The following IGLON5 variants were observed in gnomAD, a reference collection of about 807,000 sequenced individuals.
IGLON5 encodes Ig-like domain-containing protein ENSP00000270642.
In IGLON5, 16 loss-of-function variants were observed where a neutral mutation model predicts 38.2. The ratio of observed to expected loss-of-function variants is 0.42; its 90% CI spans 0.28 to 0.64. The LOEUF is 0.64. IGLON5 is among the 30% of genes least tolerant of loss of function. The pLI, the probability that IGLON5 is intolerant of heterozygous loss-of-function variation, is 0.23. For synonymous variants in IGLON5, 207 were observed against 216.4 expected (o/e 0.96, Z 0.38); for missense variants, 366 against 483.4 (o/e 0.76, Z 2.28).
chr19:51,321,981 G>T, intron 1 of IGLON5, 83 bp from the exon 2 acceptor site: 2 of 1,106,336 alleles, frequency 1.8e-6, no homozygotes, highest in Non-Finnish European at 1.4e-6. Flanking sequence ...CCACAAGGAC[G>T]TGCGTGTGCA....
intron 1 of IGLON5, 98 bp downstream of exon 1, chr19:51,312,024 G>T (rs1439813120): frequency 1.6e-6 from 1 of 614,404 alleles, no homozygotes; most frequent in Admixed American, 4.8e-5. Context: ...TGCATCCCTG[G>T]GCCGGCGCGG....
At chr19:51,322,658 TC>T in intron 2 of IGLON5, among the ~76,000 whole-genome samples, 1 of 141,284 alleles carries the variant, frequency 7.1e-6, no homozygotes, top group South Asian at 2.7e-4. Context: ...TGGGTCTCTG[TC>T]CCCCTCTCTC....
rs764285496 is a variant in IGLON5 at position 51,328,807 on chromosome 19, AGAGT to A, written c.*52_*55del. 2.2e-6 allele frequency: 3 copies of A among 1,380,654 alleles called. No individual in the cohort carries two copies. The highest frequency in any genetic ancestry group is 3.0e-6 in the Non-Finnish European group (3 of 1,014,496). The allele number at this position is 1,380,654 out of a possible 1,614,324, so 85.5% of individuals were successfully genotyped here. On this transcript the variant is annotated 3_prime_UTR_variant, in exon 8 of 8. Coordinates refer to ENST00000270642, the MANE Select transcript of IGLON5 (RefSeq NM_001101372.3). ...TCCCCCTGCAGGGGGCCTCAGGCCA[AGAGT>A]GAGAGAAACGGGGGAGCAAGAGCCG... is the stretch of plus-strand genomic sequence containing the variant.
rs1162919094 is a variant in IGLON5, at chr19:51,324,914, T to C, written c.392-432T>C. ...GGTAAAGCACTTAGAATAGCATCTGTTACACAGAAAGTCCCATGTGGGTAT... is the reference window on the plus strand; with the variant it reads ...GGTAAAGCACTTAGAATAGCATCTGCTACACAGAAAGTCCCATGTGGGTAT... On this transcript the variant is annotated intron_variant, in intron 3 of 7. Transcript: ENST00000270642. This position sits in a 1 kb window ranked among gnomAD's most constrained non-coding sequence, Gnocchi z 4.2. Among the ~76,000 whole-genome samples the C allele has an allele frequency of 6.6e-6, 1 of 151,800 alleles. No homozygotes were observed. Among genetic ancestry groups the C allele is most frequent in the African/African-American group, 2.4e-5 (1 of 41,316 alleles).
rs1291600705 is a variant in IGLON5 at position 51,330,692 on chromosome 19, T to G, written c.*1933T>G. ...TGCTTTTCTCCATCACATGGAGAGA[T>G]CTTGGCTCTGTGGGGATAGCAATGG... On this transcript the variant is annotated 3_prime_UTR_variant, in exon 8 of 8. Coordinates refer to ENST00000270642, the MANE Select transcript of IGLON5 (RefSeq NM_001101372.3). Among the ~76,000 whole-genome samples, 1 of 152,192 alleles carries G rather than the reference T, an allele frequency of 6.6e-6. No homozygotes were observed. Among genetic ancestry groups the G allele is most frequent in the Non-Finnish European group, 1.5e-5 (1 of 68,038 alleles).
intron 1 of IGLON5, among the ~76,000 whole-genome samples, chr19:51,319,928 G>A (rs1985012191): frequency 6.6e-6 from 1 of 152,084 alleles, no homozygotes; most frequent in Non-Finnish European, 1.5e-5. Context: ...GTTTGTGTCT[G>A]TATGACTGTG....
chr19:51,330,649 A>G lies in IGLON5; in HGVS notation c.*1890A>G, dbSNP rs986468153. On this transcript the variant is annotated 3_prime_UTR_variant, in exon 8 of 8. Coordinates refer to ENST00000270642, the MANE Select transcript of IGLON5 (RefSeq NM_001101372.3). The stretch of plus-strand genomic sequence containing the variant: ...TGGATATTGTGGCTCCGTGATGTGA[A>G]GTCAACATCTGTAGGGTTGCTTTTC... 1.3e-5 allele frequency among the ~76,000 whole-genome samples: 2 copies of G among 152,198 alleles called. No individual in the cohort carries two copies. Among genetic ancestry groups the G allele is most frequent in the Admixed American group, 1.3e-4 (2 of 15,280 alleles).
At position 51,327,392 on chromosome 19, in the gene IGLON5, G is replaced by A. The variant is rs1236246217; in HGVS notation, c.767+192G>A. Among the ~76,000 whole-genome samples, 1 of 152,176 alleles carries A rather than the reference G, an allele frequency of 6.6e-6. No individual in the cohort carries two copies. Among genetic ancestry groups the A allele is most frequent in the Non-Finnish European group, 1.5e-5 (1 of 68,034 alleles). ...AAGCTTGGGTCCCCGCTTGATGAAT[G>A]CTGGAACCCCGTCTCCCCGGACTTT... On this transcript the variant is annotated intron_variant, in intron 6 of 7. Transcript: ENST00000270642. The surrounding 1 kb of genome is among the most constrained non-coding windows in gnomAD (Gnocchi z 7.1).
Position 51,323,602 on chromosome 19 carries a change from G to A in IGLON5, c.159-60G>A, listed in dbSNP as rs540363416. The A allele has an allele frequency of 2.5e-5, 37 of 1,460,384 alleles. No individual in the cohort carries two copies. The African/African-American group carries it at 2.8e-4, about 11-fold the overall frequency. The allele number at this position is 1,460,384 out of a possible 1,614,324, so 90.5% of individuals were successfully genotyped here. ...CCTCCTTCTCCCACCCACCCCCTCG[G>A]TGGGGGAAGCCTCAGGCTGGGTGGG... On this transcript the variant is annotated intron_variant, in intron 2 of 7. Transcript: ENST00000270642.
At position 51,316,359 on chromosome 19, in the gene IGLON5, AG is replaced by A. The variant is rs1222349906; in HGVS notation, c.79+4434del. Among the ~76,000 whole-genome samples, 710 of 150,148 alleles carry A rather than the reference AG, an allele frequency of 4.7e-3. 17 individuals carry two copies. Among genetic ancestry groups the A allele is most frequent in the African/African-American group, 0.017 (682 of 40,626 alleles). On this transcript the variant is annotated intron_variant, in intron 1 of 7. Coordinates refer to ENST00000270642, the MANE Select transcript of IGLON5 (RefSeq NM_001101372.3). ...TACCCTGTCTCAAAAAAAAAAAAAA[AG>A]AAAAGAAACAAAGGGAAAGAAAAGG...
Position 51,323,770 on chromosome 19 carries a change from C to T in IGLON5, c.267C>T (p.Ile89=). Residue 89 remains isoleucine (I), a synonymous_variant, in exon 3 of 8, where the codon ATC becomes ATT. Transcript: ENST00000270642. Reference sequence around the variant, plus strand: ...GCGACCCGCGGGTGCGGCTGCTCATCAACACCCCCGAGGAGTTCTCCATCC... The same window carrying T: ...GCGACCCGCGGGTGCGGCTGCTCATTAACACCCCCGAGGAGTTCTCCATCC... The part of the protein sequence containing the change: ...WTSDPRVRLL[I]NTPEEFSILI... The T allele has an allele frequency of 1.2e-6, 2 of 1,613,932 alleles. No individual in the cohort carries two copies. Among genetic ancestry groups the T allele is most frequent in the Non-Finnish European group, 1.7e-6 (2 of 1,179,866 alleles).
At chr19:51,312,944 G>A (rs2123507650) in intron 1 of IGLON5, among the ~76,000 whole-genome samples, 1 of 152,178 alleles carries the variant, frequency 6.6e-6, no homozygotes, top group South Asian at 2.1e-4. Flanking sequence ...CGCTCAGGAG[G>A]GCAGGGAGCT....
chr19:51,327,274 G>T lies in IGLON5; in HGVS notation c.767+74G>T. ...AGTCCCTTCGATTGTGAGGCAGGGG[G>T]ACGGAGCGGGGCGGGGGAAGGCAGC... On this transcript the variant is annotated intron_variant, in intron 6 of 7. Coordinates refer to ENST00000270642, the MANE Select transcript of IGLON5 (RefSeq NM_001101372.3). The surrounding 1 kb of genome is among the most constrained non-coding windows in gnomAD (Gnocchi z 7.1). 6.5e-7 allele frequency: 1 copy of T among 1,547,380 alleles called. No individual in the cohort carries two copies. The highest frequency in any genetic ancestry group is 8.7e-7 in the Non-Finnish European group (1 of 1,145,302).
At chr19:51,319,806 T>C (rs1015933477) in intron 1 of IGLON5, among the ~76,000 whole-genome samples, 6 of 152,124 alleles carry the variant, frequency 3.9e-5, no homozygotes, top group Non-Finnish European at 1.5e-5. Flanking sequence ...CCTGTCCCTC[T>C]GAGCGGGTCC....
intron 1 of IGLON5, among the ~76,000 whole-genome samples, chr19:51,315,869 G>A (rs1219884050): frequency 6.6e-6 from 1 of 151,606 alleles, no homozygotes; most frequent in African/African-American, 2.4e-5. Context: ...CTAATTTTTT[G>A]TATTTTTAGT....
chr19:51,323,460 C>T (rs570555260), intron 2 of IGLON5, among the ~76,000 whole-genome samples: 5 of 152,298 alleles, frequency 3.3e-5, no homozygotes, highest in South Asian at 4.1e-4. Flanking sequence ...GCTATTGTTC[C>T]GTTCTGCAGT....
chr19:51,325,382 C>T lies in IGLON5; in HGVS notation c.428C>T (p.Thr143Met), dbSNP rs766874103. Residue 143 changes from threonine to methionine, a missense_variant, in exon 4 of 8, where the codon ACG becomes ATG. Physicochemically the swap from Thr to Met is moderately conservative, Grantham distance 81 (BLOSUM62 -1). Transcript: ENST00000270642. This position sits in a 1 kb window ranked among gnomAD's most constrained non-coding sequence, Gnocchi z 5.5. ...ARIVNISSPV[T>M]VNEGGNVNLL... ...ATTGTGAACATCTCGTCGCCTGTGA[C>T]GGTGAATGAGGGGGGCAATGTGAAC... The T allele has an allele frequency of 3.0e-5, 48 of 1,613,724 alleles. No individual in the cohort carries two copies. The highest frequency in any genetic ancestry group is 6.7e-5 in the African/African-American group (5 of 74,894).
intron 2 of IGLON5, among the ~76,000 whole-genome samples, chr19:51,322,592 C>G (rs963660825): frequency 8.9e-5 from 5 of 55,918 alleles, no homozygotes; most frequent in Non-Finnish European, 1.3e-4. Context: ...CTCTCTCTCT[C>G]TCGCTTGCTC....
chr19:51,320,534 G>C (rs920118132), intron 1 of IGLON5, among the ~76,000 whole-genome samples: 10 of 152,218 alleles, frequency 6.6e-5, no homozygotes, highest in African/African-American at 2.4e-4. Flanking sequence ...ACGGTCTACA[G>C]AGAGATGACT....
Sources: gnomAD v4.1 joint callset for allele counts (sites outside exome capture counted in the v4.1 genomes callset) on GRCh38, gnomAD v4.1.1 for gene constraint, Gnocchi (gnomAD v3.1) non-coding constraint, MANE v1.5 for transcripts, NCBI Gene and HGNC (gene_info 2026-07-23, HGNC 2026-07-21) for gene names.